Variants in MSRA observed in about 807,000 individuals in gnomAD.
MSRA encodes mitochondrial peptide methionine sulfoxide reductase.
MSRA carries 54 observed loss-of-function variants against 31.3 expected under a neutral mutation model. The ratio of observed to expected loss-of-function variants is 1.73; its 90% CI spans 1.39 to 2.17. MSRA has a LOEUF of 2.17. Ranked by LOEUF, MSRA falls within the 30% of genes most tolerant of loss-of-function variation. MSRA has a pLI of 0.00. For synonymous variants in MSRA, 169 were observed against 116.5 expected, an observed-to-expected ratio of 1.45 and a Z score of -2.90; for missense variants, 507 against 300.9, an observed-to-expected ratio of 1.69 and a Z score of -5.07.
intron 2 of MSRA, among the ~76,000 whole-genome samples, chr8:10,218,955 C>T (rs1204026291): frequency 6.6e-6 from 1 of 152,196 alleles, no homozygotes; most frequent in Non-Finnish European, 1.5e-5. Flanking sequence ...AAAGCTCTCT[C>T]CACGGAGCAG....
intron 2 of MSRA, among the ~76,000 whole-genome samples, chr8:10,223,679 A>G (rs1810726062): frequency 6.6e-6 from 1 of 152,232 alleles, no homozygotes; most frequent in African/African-American, 2.4e-5. Flanking sequence ...AGATACTGGG[A>G]CAGAAAATGT....
intron 2 of MSRA, among the ~76,000 whole-genome samples, chr8:10,244,879 C>T (rs1797533149): frequency 6.6e-6 from 1 of 151,994 alleles, no homozygotes; most frequent in Non-Finnish European, 1.5e-5. Flanking sequence ...TAAGTTTTTG[C>T]ACAGCTAAAG....
intron 1 of MSRA, among the ~76,000 whole-genome samples, chr8:10,092,531 G>A (rs1172995869): frequency 2.0e-5 from 3 of 152,068 alleles, no homozygotes; most frequent in Admixed American, 6.6e-5. Flanking sequence ...GGTGGCGCAC[G>A]CCTTTAGTCC....
intron 1 of MSRA, among the ~76,000 whole-genome samples, chr8:10,070,257 G>C (rs1295231393): frequency 6.6e-6 from 1 of 152,214 alleles, no homozygotes; most frequent in Non-Finnish European, 1.5e-5. Context: ...CAGCGTGGCA[G>C]CCGGGTTATG....
chr8:10,371,325 G>A (rs1041969336), intron 5 of MSRA, among the ~76,000 whole-genome samples: 5 of 152,024 alleles, frequency 3.3e-5, no homozygotes, highest in Admixed American at 1.3e-4. Flanking sequence ...TCCTGAGCGC[G>A]CTCTCATGCT....
intron 5 of MSRA, among the ~76,000 whole-genome samples, chr8:10,389,063 C>T (rs1347138115): frequency 6.6e-6 from 1 of 152,164 alleles, no homozygotes; most frequent in Non-Finnish European, 1.5e-5. Context: ...TTATATCCTA[C>T]TGCTCAAGGT....
At chr8:10,156,362 T>C (rs1186601782) in intron 1 of MSRA, among the ~76,000 whole-genome samples, 1 of 152,138 alleles carries the variant, frequency 6.6e-6, no homozygotes, top group Non-Finnish European at 1.5e-5. Context: ...GAGATGCCTT[T>C]TGGATTACTT....
rs934706310 is a variant in MSRA at position 10,147,951 on chromosome 8, C to T, written c.143-59882C>T. Among the ~76,000 whole-genome samples, 5 of 152,262 alleles carry T rather than the reference C, an allele frequency of 3.3e-5. No homozygotes were observed. The South Asian group carries it at 1.0e-3, about 32-fold the overall frequency. ...AGCGGGAAAACGACTTTAGAGGGAC[C>T]GGAAAGGGGAAGCGAGTCTCCCATG... On this transcript the variant is annotated intron_variant, in intron 1 of 5. Transcript: ENST00000317173.
chr8:10,061,384 T>A (rs1802711724), intron 1 of MSRA, among the ~76,000 whole-genome samples: 1 of 152,158 alleles, frequency 6.6e-6, no homozygotes, highest in African/African-American at 2.4e-5. Flanking sequence ...CTGCTCTAAT[T>A]CCCCTTCTCC....
chr8:10,378,414 C>G (rs1042579157), intron 5 of MSRA, among the ~76,000 whole-genome samples: 3 of 152,194 alleles, frequency 2.0e-5, no homozygotes, highest in Non-Finnish European at 4.4e-5. Context: ...AGGAGGGCTG[C>G]CGGCTAATCC....
chr8:10,387,963 A>G (rs1806496312), intron 5 of MSRA, among the ~76,000 whole-genome samples: 1 of 152,166 alleles, frequency 6.6e-6, no homozygotes, highest in African/African-American at 2.4e-5. Flanking sequence ...ATTTTAGGGT[A>G]TTGTTCTCTG....
intron 3 of MSRA, among the ~76,000 whole-genome samples, chr8:10,264,790 C>T (rs536811629): frequency 2.0e-5 from 3 of 152,180 alleles, no homozygotes; most frequent in Non-Finnish European, 4.4e-5. Flanking sequence ...CAGGAACTAA[C>T]TTGAGAGCCC....
chr8:10,091,215 G>A (rs971766772), intron 1 of MSRA, among the ~76,000 whole-genome samples: 2 of 152,002 alleles, frequency 1.3e-5, no homozygotes, highest in African/African-American at 4.8e-5. Context: ...ATCTATATTC[G>A]TAACGATATT....
intron 1 of MSRA, among the ~76,000 whole-genome samples, chr8:10,131,999 G>GTT (rs1398323186): frequency 6.6e-6 from 1 of 152,184 alleles, no homozygotes; most frequent in Non-Finnish European, 1.5e-5. Flanking sequence ...TTTAAATTGA[G>GTT]TTTTTGGTCT....
chr8:10,155,002 T>TATATA (rs1554468813), intron 1 of MSRA, among the ~76,000 whole-genome samples: 1,368 of 123,978 alleles, frequency 0.011, 87 homozygotes, highest in Non-Finnish European at 0.015. Flanking sequence ...TGTATATATT[T>TATATA]TATATATATA....
chr8:10,220,766 A>T (rs1279103303), intron 2 of MSRA, among the ~76,000 whole-genome samples: 1 of 152,194 alleles, frequency 6.6e-6, no homozygotes, highest in Non-Finnish European at 1.5e-5. Context: ...TTTCACCAGC[A>T]TTCTGTTTCC....
At chr8:10,402,069 A>G (rs890540791) in intron 5 of MSRA, among the ~76,000 whole-genome samples, 3 of 152,214 alleles carry the variant, frequency 2.0e-5, no homozygotes, top group Non-Finnish European at 2.9e-5. Flanking sequence ...ATATTTTACC[A>G]TAATAGAAAA....
At chr8:10,352,349 G>A (rs970913623) in intron 5 of MSRA, among the ~76,000 whole-genome samples, 17 of 152,064 alleles carry the variant, frequency 1.1e-4, no homozygotes, top group Admixed American at 1.0e-3. Flanking sequence ...TGTTTTTGCT[G>A]GTATGCGAAG....
rs1315686638 is a variant in MSRA, at chr8:10,278,847, T to C, written c.332-22687T>C. 2.6e-5 allele frequency among the ~76,000 whole-genome samples: 4 copies of C among 152,344 alleles called. No homozygotes were observed. The East Asian group carries it at 7.7e-4, about 29-fold the overall frequency. ...GGACCTGGGCATCTCTACATTCCCG[T>C]CAGACTAATTTGACTTGTGGCTTAG... On this transcript the variant is annotated intron_variant, in intron 3 of 5. Transcript: ENST00000317173.
Sources: allele counts gnomAD v4.1 joint callset (sites outside exome capture counted in the v4.1 genomes callset), GRCh38; gene constraint gnomAD v4.1.1; transcripts MANE v1.5; gene names NCBI Gene and HGNC (gene_info 2026-07-23, HGNC 2026-07-21).